The following GTF2B variants were observed in gnomAD, a reference collection of about 807,000 sequenced individuals.
GTF2B encodes the protein general transcription factor IIB.
GTF2B carries 20 observed loss-of-function variants against 34.6 expected under a neutral mutation model. The ratio of observed to expected loss-of-function variants is 0.58; its 90% CI spans 0.41 to 0.84. The LOEUF (loss-of-function observed/expected upper bound fraction) is 0.84. Ranked by LOEUF, GTF2B falls within the 40% of genes least tolerant of loss-of-function variation. The pLI, the probability that GTF2B is intolerant of heterozygous loss-of-function variation, is 0.00. For synonymous variants in GTF2B, 142 were observed against 132.4 expected, an observed-to-expected ratio of 1.07 and a Z score of -0.50; for missense variants, 237 against 393.3, an observed-to-expected ratio of 0.60 and a Z score of 3.36.
chr1:88,858,573 A>G (rs578120074), intron 5 of GTF2B: 17 of 152,356 alleles, frequency 1.1e-4, no homozygotes, highest in African/African-American at 4.1e-4. Context: ...CACTTTCAGA[A>G]GAAATTTAAC....
chr1:88,872,455 TAAAAA>T (rs34668666), intron 2 of GTF2B, among the ~76,000 whole-genome samples: 7,126 of 75,104 alleles, frequency 0.095, 218 homozygotes, highest in African/African-American at 0.24. Flanking sequence ...TCCATCTCAA[TAAAAA>T]AAAAAAAAAA....
At chr1:88,891,122 G>GGA (rs915590726) in intron 1 of GTF2B, among the ~76,000 whole-genome samples, 1 of 136,574 alleles carries the variant, frequency 7.3e-6, no homozygotes, top group Non-Finnish European at 1.6e-5. Context: ...AAAACAAGCG[G>GGA]GGGGGGGGGC....
chr1:88,890,158 A>AAC lies in GTF2B; in HGVS notation c.17+1324_17+1325insGT, dbSNP rs386367597. On this transcript the variant is annotated intron_variant, in intron 1 of 6. Coordinates refer to ENST00000370500, the MANE Select transcript of GTF2B (RefSeq NM_001514.6). ...AGACTTAAAAAGCCATGATAGAATT[A>AAC]AAAAAAAAAAAAGCCATGGTAGAAT... Among the ~76,000 whole-genome samples the AAC allele has an allele frequency of 3.1e-3, 357 of 116,092 alleles. 2 individuals are homozygous for AAC. Among genetic ancestry groups the AAC allele is most frequent in the African/African-American group, 0.018 (337 of 18,426 alleles). The allele number at this position is 116,092 out of a possible 152,430, so 76.2% of individuals were successfully genotyped here.
intron 6 of GTF2B, among the ~76,000 whole-genome samples, chr1:88,854,347 C>G (rs576055854): frequency 6.6e-6 from 1 of 152,044 alleles, no homozygotes; most frequent in Admixed American, 6.6e-5. Context: ...TGAGCTCAAA[C>G]GAACATTGTA....
chr1:88,888,225 T>A (rs1386434207), intron 1 of GTF2B, among the ~76,000 whole-genome samples: 1 of 152,208 alleles, frequency 6.6e-6, no homozygotes, highest in South Asian at 2.1e-4. Flanking sequence ...CAAAATCAAC[T>A]GTTCTTATAG....
At chr1:88,891,179 A>G (rs61766110) in intron 1 of GTF2B, among the ~76,000 whole-genome samples, 21,904 of 129,560 alleles carry the variant, frequency 0.17, 2,213 homozygotes, top group Middle Eastern at 0.3. Flanking sequence ...AAATAAAGGG[A>G]GATTGAAATA....
intron 2 of GTF2B, among the ~76,000 whole-genome samples, chr1:88,881,932 G>C (rs1383879527): frequency 6.6e-6 from 1 of 152,082 alleles, no homozygotes; most frequent in Non-Finnish European, 1.5e-5. Flanking sequence ...TCCTTTTTCA[G>C]TTGATTAATC....
chr1:88,863,189 T>C (rs1673482503), intron 3 of GTF2B, among the ~76,000 whole-genome samples: 1 of 152,152 alleles, frequency 6.6e-6, no homozygotes, highest in Non-Finnish European at 1.5e-5. Flanking sequence ...TTACATACAT[T>C]CTCATGAAAC....
intron 3 of GTF2B, 151 bp from the exon 4 acceptor site, chr1:88,860,437 A>C (rs1673409717): frequency 1.7e-6 from 1 of 591,470 alleles, no homozygotes; most frequent in African/African-American, 1.9e-5. Flanking sequence ...TGAACATGTA[A>C]TTCTAACAAC....
chr1:88,865,290 C>T (rs1349131992), intron 2 of GTF2B, among the ~76,000 whole-genome samples: 1 of 152,170 alleles, frequency 6.6e-6, no homozygotes, highest in Non-Finnish European at 1.5e-5. Flanking sequence ...TACCCATGTA[C>T]AGTGCATGTA....
intron 2 of GTF2B, among the ~76,000 whole-genome samples, chr1:88,871,258 C>T (rs1209160446): frequency 6.6e-6 from 1 of 152,114 alleles, no homozygotes; most frequent in Admixed American, 6.5e-5. Context: ...AGCTATTATA[C>T]TTTAATACTT....
intron 2 of GTF2B, among the ~76,000 whole-genome samples, chr1:88,882,337 A>AAAAAAAAAC (rs1557661028): frequency 1.0e-4 from 15 of 143,730 alleles, no homozygotes; most frequent in African/African-American, 3.1e-4. Context: ...AAAAAAAAAA[A>AAAAAAAAAC]CGCTACAGAG....
intron 3 of GTF2B, among the ~76,000 whole-genome samples, chr1:88,862,732 G>T (rs959442392): frequency 1.3e-5 from 2 of 152,004 alleles, no homozygotes; most frequent in Admixed American, 1.3e-4. Flanking sequence ...TCCGCCTCCC[G>T]GGTTCAAGCA....
intron 5 of GTF2B, among the ~76,000 whole-genome samples, chr1:88,857,738 G>A (rs947078679): frequency 6.9e-5 from 8 of 115,214 alleles, no homozygotes; most frequent in African/African-American, 2.6e-4. Context: ...ACTAAGGGTA[G>A]TGGCATGATC....
chr1:88,866,765 C>T (rs1469406004), intron 2 of GTF2B, among the ~76,000 whole-genome samples: 5 of 152,192 alleles, frequency 3.3e-5, no homozygotes, highest in Non-Finnish European at 7.3e-5. Context: ...ATCAGTTGGA[C>T]TACCATGTGT....
intron 2 of GTF2B, among the ~76,000 whole-genome samples, chr1:88,880,864 C>A (rs1238047609): frequency 1.3e-5 from 2 of 151,894 alleles, no homozygotes; most frequent in African/African-American, 4.8e-5. Context: ...CAAAAATTAG[C>A]TGGGAGTGGC....
At position 88,872,827 on chromosome 1, in the gene GTF2B, GTTAC is replaced by G. The variant is rs200427418; in HGVS notation, c.125-8717_125-8714del. Among the ~76,000 whole-genome samples, 1,119 of 152,166 alleles carry G rather than the reference GTTAC, an allele frequency of 7.4e-3. 14 individuals are homozygous for G. The highest frequency in any genetic ancestry group is 0.025 in the African/African-American group (1,045 of 41,516). On this transcript the variant is annotated intron_variant, in intron 2 of 6. Coordinates refer to ENST00000370500, the MANE Select transcript of GTF2B (RefSeq NM_001514.6). ...TATTGTGTTTGTCTCCTTGTGCTGT[GTTAC>G]TTTTTTCTGACATTTAATAGAAATC...
intron 2 of GTF2B, among the ~76,000 whole-genome samples, chr1:88,879,013 G>C (rs1211843119): frequency 1.3e-5 from 2 of 152,176 alleles, no homozygotes; most frequent in African/African-American, 4.8e-5. Flanking sequence ...TCATGAGCAA[G>C]ATAAAATGGT....
intron 3 of GTF2B, among the ~76,000 whole-genome samples, chr1:88,860,670 CATTAT>C (rs200940672): frequency 0.012 from 1,879 of 152,166 alleles, 26 homozygotes; most frequent in African/African-American, 0.039. Flanking sequence ...TAATGTAAAA[CATTAT>C]ATTAATAGAT....
Sources: gnomAD v4.1 joint callset for allele counts (sites outside exome capture counted in the v4.1 genomes callset) on GRCh38, gnomAD v4.1.1 for gene constraint, MANE v1.5 for transcripts, NCBI Gene and HGNC (gene_info 2026-07-23, HGNC 2026-07-21) for gene names.